Variants in ARHGAP42 observed in about 807,000 individuals in gnomAD.
ARHGAP42 encodes the protein rho GTPase-activating protein 42.
In ARHGAP42, 63 loss-of-function variants were observed where a neutral mutation model predicts 125.0. The ratio of observed to expected loss-of-function variants is 0.50; its 90% confidence interval spans 0.41 to 0.62. The LOEUF is 0.62. Among genes scored for constraint, ARHGAP42 ranks in the 20% least tolerant of loss-of-function variants. The pLI, the probability that ARHGAP42 is intolerant of heterozygous loss-of-function variation, is 0.00. For missense variants in ARHGAP42, 766 were observed against 1,024.2 expected (o/e 0.75, Z 3.44); for synonymous variants, 339 against 351.0 (o/e 0.97, Z 0.38).
chr11:100,898,691 T>C (rs949663517), intron 4 of ARHGAP42, among the ~76,000 whole-genome samples: 2 of 152,034 alleles, frequency 1.3e-5, no homozygotes, highest in Admixed American at 6.6e-5. Flanking sequence ...GGTGATATCC[T>C]CTTTATCATT....
chr11:100,878,006 G>GAA (rs35482152), intron 4 of ARHGAP42, among the ~76,000 whole-genome samples: 26 of 64,370 alleles, frequency 4.0e-4, no homozygotes, highest in African/African-American at 4.9e-4. Context: ...CTCTGTCCCA[G>GAA]AAAAAAAAAA....
chr11:100,856,508 G>A (rs893503618), intron 3 of ARHGAP42, among the ~76,000 whole-genome samples: 3 of 152,018 alleles, frequency 2.0e-5, no homozygotes, highest in African/African-American at 4.8e-5. Flanking sequence ...TTGAGTGCTG[G>A]CATTTTCCAT....
At chr11:100,946,263 T>C (rs1011712330) in intron 10 of ARHGAP42, among the ~76,000 whole-genome samples, 1 of 151,674 alleles carries the variant, frequency 6.6e-6, no homozygotes, top group African/African-American at 2.4e-5. Context: ...TTATGGCTGG[T>C]TTGATCTTCT....
At chr11:100,847,120 A>G (rs1010552700) in intron 3 of ARHGAP42, among the ~76,000 whole-genome samples, 59 of 152,254 alleles carry the variant, frequency 3.9e-4, no homozygotes, top group African/African-American at 1.3e-3. Context: ...TTTTCACTTA[A>G]CACCCTCCCA....
chr11:100,899,912 T>C (rs1247057413), intron 4 of ARHGAP42, among the ~76,000 whole-genome samples: 1 of 152,066 alleles, frequency 6.6e-6, no homozygotes, highest in Non-Finnish European at 1.5e-5. Flanking sequence ...TCACATTCAA[T>C]GTTAATATTG....
intron 3 of ARHGAP42, among the ~76,000 whole-genome samples, chr11:100,837,666 C>CTATTTTTTTTTTTTTTTTTTTTTTTTT (rs1555008871): frequency 6.6e-5 from 4 of 61,042 alleles, no homozygotes; most frequent in African/African-American, 2.8e-4. Flanking sequence ...AGGTGTCATC[C>CTATTTTTTTTTTTTTTTTTTTTTTTTT]TTTTTTTTTT....
intron 1 of ARHGAP42, among the ~76,000 whole-genome samples, chr11:100,766,965 T>A (rs1237144032): frequency 6.6e-6 from 1 of 152,132 alleles, no homozygotes; most frequent in Admixed American, 6.6e-5. Context: ...CTTAATTCCA[T>A]CAAGAGTTGA....
intron 16 of ARHGAP42, among the ~76,000 whole-genome samples, chr11:100,963,036 AT>A (rs1279962534): frequency 6.6e-6 from 1 of 152,224 alleles, no homozygotes; most frequent in African/African-American, 2.4e-5. Context: ...AGGAATTATT[AT>A]TCTAATTTCA....
At chr11:100,728,611 G>A (rs1169374637) in intron 1 of ARHGAP42, among the ~76,000 whole-genome samples, 1 of 151,116 alleles carries the variant, frequency 6.6e-6, no homozygotes, top group Non-Finnish European at 1.5e-5. Context: ...CTCATTATAA[G>A]CTCCTTAGGA....
At position 100,993,860 on chromosome 11, in the gene ARHGAP42, C is replaced by T. The variant is rs1337626856; in HGVS notation, c.*5059C>T. The T allele has an allele frequency of 6.0e-6, 1 of 166,988 alleles. No homozygotes were observed. The highest frequency in any genetic ancestry group is 1.5e-5 in the Non-Finnish European group (1 of 68,112). 10.3% of individuals were successfully genotyped at this position (166,988 alleles called of 1,614,324 possible). A position where few individuals can be genotyped will look rare whatever the true frequency, so the allele number is the denominator to read the frequency against. On this transcript the variant is annotated 3_prime_UTR_variant, in exon 24 of 24. Coordinates refer to ENST00000298815, the MANE Select transcript of ARHGAP42 (RefSeq NM_152432.4). ...AAATAACCTCATGTTTATTCCTAAT[C>T]TAAATTGCCACAATATTTTTAATGT...
intron 17 of ARHGAP42, among the ~76,000 whole-genome samples, chr11:100,966,294 G>C (rs568328140): frequency 1.8e-4 from 27 of 152,062 alleles, no homozygotes; most frequent in Admixed American, 9.8e-4. Flanking sequence ...ATTAGCCAGA[G>C]CTATCTGCAG....
intron 3 of ARHGAP42, among the ~76,000 whole-genome samples, chr11:100,826,821 T>C (rs1864525220): frequency 6.6e-6 from 1 of 152,140 alleles, no homozygotes; most frequent in Non-Finnish European, 1.5e-5. Context: ...AAAAATATTT[T>C]GCCGTTGGTT....
rs752836686 is a variant in ARHGAP42, at chr11:100,933,296, A to T, written c.702+36A>T. The T allele has an allele frequency of 1.3e-5, 18 of 1,401,792 alleles. No homozygotes were observed. The South Asian group carries it at 2.4e-4, about 18-fold the overall frequency. The allele number at this position is 1,401,792 out of a possible 1,614,324, so 86.8% of individuals were successfully genotyped here. A position where few individuals can be genotyped will look rare whatever the true frequency, so the allele number is the denominator to read the frequency against. On this transcript the variant is annotated intron_variant, in intron 7 of 23. Coordinates refer to ENST00000298815, the MANE Select transcript of ARHGAP42 (RefSeq NM_152432.4). ...ACCTGTTCTTACTGTCTCTCAGCAA[A>T]TCTGCAAATCTGATTTCACAGGGCA...
intron 3 of ARHGAP42, among the ~76,000 whole-genome samples, chr11:100,808,127 G>C (rs978582544): frequency 3.3e-5 from 5 of 152,132 alleles, no homozygotes; most frequent in Non-Finnish European, 1.5e-5. Context: ...AAGATATCCT[G>C]AAGGGAAATT....
intron 4 of ARHGAP42, among the ~76,000 whole-genome samples, chr11:100,876,545 T>G (rs953478388): frequency 6.6e-6 from 1 of 152,244 alleles, no homozygotes; most frequent in Non-Finnish European, 1.5e-5. Context: ...GATTTGTCTG[T>G]ATGCACTGCT....
At chr11:100,717,010 C>G (rs2120257216) in intron 1 of ARHGAP42, among the ~76,000 whole-genome samples, 1 of 152,284 alleles carries the variant, frequency 6.6e-6, no homozygotes, top group African/African-American at 2.4e-5. Flanking sequence ...GCTTAGACAT[C>G]TGTTGAATAA....
In ARHGAP42 at chr11:100,687,783, C is replaced by T. The variant is rs1321923219; in HGVS notation, c.105C>T (p.Phe35=). Residue 35 remains phenylalanine (F), a synonymous_variant, in exon 1 of 24, where the codon TTC becomes TTT. Coordinates refer to ENST00000298815, the MANE Select transcript of ARHGAP42 (RefSeq NM_152432.4). ...HEIELERTNK[F]IKELIKDGSL... ...TTGAGCTGGAGCGAACCAACAAGTT[C>T]ATCAAGGAGCTCATTAAGGACGGCT... The T allele has an allele frequency of 6.4e-7, 1 of 1,550,932 alleles. No individual in the cohort carries two copies. Among genetic ancestry groups the T allele is most frequent in the Middle Eastern group, 1.7e-4 (1 of 5,898 alleles).
chr11:100,837,501 A>G (rs1413714794), intron 3 of ARHGAP42, among the ~76,000 whole-genome samples: 1 of 152,030 alleles, frequency 6.6e-6, no homozygotes, highest in East Asian at 1.9e-4. Context: ...GAAAGCAAAT[A>G]CACAAGGAAT....
chr11:100,928,767 A>C (rs1436606985), intron 6 of ARHGAP42, among the ~76,000 whole-genome samples: 1 of 149,630 alleles, frequency 6.7e-6, no homozygotes, highest in South Asian at 2.1e-4. Flanking sequence ...TATCATTCCC[A>C]GTATACCCCA....
Sources: allele counts gnomAD v4.1 joint callset (sites outside exome capture counted in the v4.1 genomes callset), GRCh38; gene constraint gnomAD v4.1.1; transcripts MANE v1.5; gene names NCBI Gene and HGNC (gene_info 2026-07-23, HGNC 2026-07-21).